Variants in HMBOX1 observed in about 807,000 individuals in gnomAD.
The protein encoded by HMBOX1 is homeobox-containing protein 1.
A neutral mutation model predicts 54.5 loss-of-function variants in HMBOX1; 14 were observed. The ratio of observed to expected loss-of-function variants is 0.26; its 90% CI spans 0.17 to 0.40. The LOEUF (loss-of-function observed/expected upper bound fraction) is 0.40. HMBOX1 is among the 10% of genes least tolerant of loss of function. The pLI is 1.00. For synonymous variants in HMBOX1, 160 were observed against 181.0 expected, an observed-to-expected ratio of 0.88 and a Z score of 0.93; for missense variants, 332 against 514.4, an observed-to-expected ratio of 0.65 and a Z score of 3.43.
chr8:28,903,509 G>A (rs1183382526), intron 1 of HMBOX1, among the ~76,000 whole-genome samples: 3 of 152,118 alleles, frequency 2.0e-5, no homozygotes, highest in South Asian at 4.2e-4. Flanking sequence ...TCCCTTTGCT[G>A]TTTTTTCTTT....
intron 4 of HMBOX1, among the ~76,000 whole-genome samples, chr8:28,986,296 A>G (rs1180670657): frequency 6.6e-6 from 1 of 152,142 alleles, no homozygotes; most frequent in Non-Finnish European, 1.5e-5. Context: ...GATGTACCAC[A>G]GTTTCTCTAT....
rs567279703 is a variant in HMBOX1, at chr8:28,925,426, T to C, written c.-58+34748T>C. Among the ~76,000 whole-genome samples the C allele has an allele frequency of 7.2e-5, 11 of 152,344 alleles. No individual in the cohort carries two copies. In the South Asian group the frequency reaches 2.3e-3, roughly 32 times the overall value. ...TTCTTTTTAAATGGCAGCCATGTAG[T>C]TATTGTTTAATCCTTTCTTTTGTTT... On this transcript the variant is annotated intron_variant, in intron 1 of 9. Transcript: ENST00000287701.
At chr8:28,978,087 G>T (rs1024986353) in intron 3 of HMBOX1, among the ~76,000 whole-genome samples, 12 of 152,098 alleles carry the variant, frequency 7.9e-5, no homozygotes, top group Non-Finnish European at 1.8e-4. Context: ...GAATATTTTT[G>T]ATCAGGATTT....
chr8:29,041,896 G>T (rs1272297971), intron 6 of HMBOX1, among the ~76,000 whole-genome samples: 1 of 152,064 alleles, frequency 6.6e-6, no homozygotes, highest in Non-Finnish European at 1.5e-5. Flanking sequence ...TGTGCTTTAG[G>T]AATATTAATC....
In HMBOX1 at chr8:29,048,926, T is replaced by C. The variant is rs773974279; in HGVS notation, c.1031-28T>C. ...GCCATTGTGATAAGGTAACAGATAA[T>C]TTAGGGATCTATTTGCTTTTTTCGA... On this transcript the variant is annotated intron_variant, in intron 8 of 9. Transcript: ENST00000287701. The C allele has an allele frequency of 1.1e-4, 170 of 1,489,838 alleles. 1 individual carries two copies. The highest frequency in any genetic ancestry group is 1.5e-4 in the Non-Finnish European group (166 of 1,076,386). 92.3% of individuals were successfully genotyped at this position (1,489,838 alleles called of 1,614,324 possible).
At chr8:28,978,182 C>G (rs1383688995) in intron 3 of HMBOX1, among the ~76,000 whole-genome samples, 3 of 152,094 alleles carry the variant, frequency 2.0e-5, no homozygotes, top group Non-Finnish European at 4.4e-5. Context: ...CAGAATTCCC[C>G]AAAGGGAGCA....
chr8:28,930,008 CT>C (rs1165996285), intron 1 of HMBOX1, among the ~76,000 whole-genome samples: 2 of 143,208 alleles, frequency 1.4e-5, no homozygotes, highest in African/African-American at 5.1e-5. Context: ...CATCAGCAGT[CT>C]TTTTGAGAAA....
chr8:29,041,789 G>C (rs559476796), intron 6 of HMBOX1, among the ~76,000 whole-genome samples: 1 of 152,134 alleles, frequency 6.6e-6, no homozygotes, highest in East Asian at 1.9e-4. Context: ...GCATATATGG[G>C]AGTAGCAGAT....
chr8:29,009,625 A>G (rs768345649), intron 5 of HMBOX1: 83 of 1,222,160 alleles, frequency 6.8e-5, no homozygotes, highest in Non-Finnish European at 7.6e-5. Flanking sequence ...ATCTCTGCTA[A>G]TGATTTTTTT....
At chr8:29,022,295 G>A (rs997507872) in intron 6 of HMBOX1, among the ~76,000 whole-genome samples, 1 of 152,096 alleles carries the variant, frequency 6.6e-6, no homozygotes, top group Non-Finnish European at 1.5e-5. Flanking sequence ...GGGCATGCCT[G>A]TAGTCCCAGC....
chr8:29,046,123 C>A (rs1382122817), intron 7 of HMBOX1, among the ~76,000 whole-genome samples: 7 of 152,180 alleles, frequency 4.6e-5, no homozygotes, highest in African/African-American at 1.7e-4. Context: ...TTTGATTGGC[C>A]TAAAGGCTAC....
At chr8:28,899,502 T>C (rs1451036174) in intron 1 of HMBOX1, among the ~76,000 whole-genome samples, 1 of 152,202 alleles carries the variant, frequency 6.6e-6, no homozygotes, top group Non-Finnish European at 1.5e-5. Context: ...ATTTGTGCCT[T>C]CTTTCTTTAG....
At chr8:29,005,420 G>T (rs10093622) in intron 4 of HMBOX1, among the ~76,000 whole-genome samples, 94,122 of 151,956 alleles carry the variant, frequency 0.62, 29,481 homozygotes, top group East Asian at 0.74. Context: ...TATATTAGCT[G>T]TTGTTACTAT....
At chr8:28,900,384 G>A (rs955177515) in intron 1 of HMBOX1, among the ~76,000 whole-genome samples, 1 of 150,448 alleles carries the variant, frequency 6.6e-6, no homozygotes, top group Non-Finnish European at 1.5e-5. Context: ...ATTCTAATTG[G>A]TATAGTCCTC....
intron 1 of HMBOX1, among the ~76,000 whole-genome samples, chr8:28,935,001 G>A (rs925858032): frequency 1.3e-5 from 2 of 151,960 alleles, no homozygotes; most frequent in African/African-American, 4.8e-5. Flanking sequence ...ACTGGAAAGG[G>A]AAAGCACAAT....
At chr8:29,003,555 A>AATATATATATGTATATATAT (rs1832977244) in intron 4 of HMBOX1, among the ~76,000 whole-genome samples, 1 of 71,312 alleles carries the variant, frequency 1.4e-5, no homozygotes, top group Non-Finnish European at 2.7e-5. Flanking sequence ...TTCTGTATTA[A>AATATATATATGTATATATAT]ATATATATAT....
chr8:29,050,714 T>TATCA (rs1010073574), intron 9 of HMBOX1: 8 of 319,456 alleles, frequency 2.5e-5, no homozygotes, highest in African/African-American at 6.3e-5. Flanking sequence ...GTTGGTTTTA[T>TATCA]ATCAATCACT....
At chr8:28,984,046 C>A (rs934258661) in intron 4 of HMBOX1, among the ~76,000 whole-genome samples, 12 of 152,312 alleles carry the variant, frequency 7.9e-5, no homozygotes, top group South Asian at 2.1e-4. Flanking sequence ...GGTAGTAGAA[C>A]TGAATAAAGC....
intron 4 of HMBOX1, among the ~76,000 whole-genome samples, chr8:28,980,466 C>CT (rs1459278672): frequency 6.6e-6 from 1 of 152,158 alleles, no homozygotes; most frequent in African/African-American, 2.4e-5. Flanking sequence ...CATCCAACTG[C>CT]TTTCTATACT....
Sources: allele counts gnomAD v4.1 joint callset (sites outside exome capture counted in the v4.1 genomes callset), GRCh38; gene constraint gnomAD v4.1.1; transcripts MANE v1.5; gene names NCBI Gene and HGNC (gene_info 2026-07-23, HGNC 2026-07-21).